DCC: variants seen among roughly 807,000 people sequenced by gnomAD.
The protein encoded by DCC is netrin receptor DCC.
In DCC, 58 loss-of-function variants were observed where a neutral mutation model predicts 172.5. That is an observed-to-expected ratio of 0.34 (90% CI 0.27 to 0.42). The LOEUF (loss-of-function observed/expected upper bound fraction) is 0.42. Ranked by LOEUF, DCC falls within the 10% of genes least tolerant of loss-of-function variation. The pLI is 1.00. For missense variants in DCC, 1,740 were observed against 1,791.0 expected (o/e 0.97, Z 0.51); for synonymous variants, 709 against 644.5 (o/e 1.10, Z -1.52).
At chr18:53,436,595 CTT>C (rs1911957090) in intron 22 of DCC, among the ~76,000 whole-genome samples, 1 of 152,080 alleles carries the variant, frequency 6.6e-6, no homozygotes, top group South Asian at 2.1e-4. Flanking sequence ...GCATCAAAGA[CTT>C]AGGGTTATCT....
intron 3 of DCC, among the ~76,000 whole-genome samples, chr18:52,911,892 A>G (rs1385239070): frequency 6.6e-6 from 1 of 151,936 alleles, no homozygotes; most frequent in Non-Finnish European, 1.5e-5. Flanking sequence ...TCTCATATAT[A>G]CTGGAAAAAA....
intron 5 of DCC, among the ~76,000 whole-genome samples, chr18:52,982,641 C>A (rs2041230563): frequency 6.6e-6 from 1 of 152,078 alleles, no homozygotes; most frequent in Non-Finnish European, 1.5e-5. Context: ...CTTACCTTCC[C>A]AAGTTGTAAC....
At chr18:52,938,210 G>GA (rs1408132142) in intron 5 of DCC, among the ~76,000 whole-genome samples, 1 of 152,040 alleles carries the variant, frequency 6.6e-6, no homozygotes, top group Non-Finnish European at 1.5e-5. Flanking sequence ...CAAGGTGGAG[G>GA]AAAAAATCTG....
intron 5 of DCC, among the ~76,000 whole-genome samples, chr18:52,998,886 C>A (rs369381132): frequency 1.3e-5 from 2 of 151,882 alleles, no homozygotes; most frequent in Non-Finnish European, 2.9e-5. Flanking sequence ...GCAATTAAAT[C>A]GTTGTCAGGA....
At chr18:52,833,279 A>G (rs888301870) in intron 2 of DCC, among the ~76,000 whole-genome samples, 12 of 152,078 alleles carry the variant, frequency 7.9e-5, no homozygotes, top group Non-Finnish European at 1.3e-4. Flanking sequence ...AAACCCAAAG[A>G]TCCTTGGGAA....
chr18:53,446,098 C>CAAAAA lies in DCC; in HGVS notation c.3230-4390_3230-4386dup, dbSNP rs1246126122. On this transcript the variant is annotated intron_variant, in intron 22 of 28. Transcript: ENST00000442544. ...GCAACATAAGAAGACCCTGTCTCTA[C>CAAAAA]AAAAAAAAAAAAAAAACAAAAAAAA... 2.4e-3 allele frequency among the ~76,000 whole-genome samples: 77 copies of CAAAAA among 32,238 alleles called. 3 individuals carry two copies. Among genetic ancestry groups the CAAAAA allele is most frequent in the Admixed American group, 5.1e-3 (16 of 3,164 alleles). 21.1% of individuals were successfully genotyped at this position (32,238 alleles called of 152,430 possible). A position where few individuals can be genotyped will look rare whatever the true frequency, so the allele number is the denominator to read the frequency against.
At chr18:52,718,411 G>T (rs867824254) in intron 1 of DCC, among the ~76,000 whole-genome samples, 7 of 152,136 alleles carry the variant, frequency 4.6e-5, no homozygotes, top group African/African-American at 1.7e-4. Flanking sequence ...ACAGGGCAAG[G>T]TTTTGTCTGC....
At chr18:52,356,686 A>G (rs1984377996) in intron 1 of DCC, among the ~76,000 whole-genome samples, 1 of 152,180 alleles carries the variant, frequency 6.6e-6, no homozygotes, top group Non-Finnish European at 1.5e-5. Context: ...CAAAATGGCT[A>G]AGTTATCTCA....
chr18:53,204,547 T>TG (rs2055594924), intron 9 of DCC, among the ~76,000 whole-genome samples: 1 of 114,192 alleles, frequency 8.8e-6, no homozygotes, highest in South Asian at 2.4e-4. Flanking sequence ...ACTCTGTTTC[T>TG]GGAAAAAAAA....
At chr18:53,176,931 A>T (rs1184198396) in intron 8 of DCC, among the ~76,000 whole-genome samples, 1 of 151,372 alleles carries the variant, frequency 6.6e-6, no homozygotes, top group Non-Finnish European at 1.5e-5. Context: ...AACCAACCCA[A>T]ATGTCCAACA....
intron 26 of DCC, among the ~76,000 whole-genome samples, chr18:53,495,446 C>T (rs1175722165): frequency 1.3e-5 from 2 of 151,946 alleles, no homozygotes; most frequent in East Asian, 3.9e-4. Context: ...AATATTGGCC[C>T]CCACTCTTTC....
chr18:53,338,511 G>C (rs1180505448), intron 14 of DCC, among the ~76,000 whole-genome samples: 1 of 152,184 alleles, frequency 6.6e-6, no homozygotes, highest in African/African-American at 2.4e-5. Context: ...CTGAGGCAGA[G>C]AATTGCTTGA....
At chr18:53,293,005 C>T (rs758073772) in intron 12 of DCC, among the ~76,000 whole-genome samples, 1 of 152,142 alleles carries the variant, frequency 6.6e-6, no homozygotes, top group Non-Finnish European at 1.5e-5. Flanking sequence ...ACAATCGTGA[C>T]ATGGGAAAAC....
At chr18:52,552,239 G>A (rs1270746985) in intron 1 of DCC, among the ~76,000 whole-genome samples, 4 of 152,000 alleles carry the variant, frequency 2.6e-5, no homozygotes, top group Non-Finnish European at 4.4e-5. Flanking sequence ...CAGGAATTAG[G>A]AGGGCAAAGC....
At chr18:53,488,078 A>G (rs2144369009) in intron 26 of DCC, among the ~76,000 whole-genome samples, 1 of 152,160 alleles carries the variant, frequency 6.6e-6, no homozygotes, top group South Asian at 2.1e-4. Flanking sequence ...TGTCTCCTAC[A>G]CTCTTTTGAT....
At chr18:52,609,911 C>A (rs1392051041) in intron 1 of DCC, among the ~76,000 whole-genome samples, 2 of 151,430 alleles carry the variant, frequency 1.3e-5, no homozygotes, top group African/African-American at 4.9e-5. Context: ...GGAGTGACAG[C>A]CTTATTGTCT....
chr18:52,736,264 T>A lies in DCC; in HGVS notation c.92-15790T>A, dbSNP rs1333835357. On this transcript the variant is annotated intron_variant, in intron 1 of 28. Coordinates refer to ENST00000442544, the MANE Select transcript of DCC (RefSeq NM_005215.4). ...AAAAGAGGCTGTTATCAATCACTCT[T>A]AATTTACTGTAAACATAAAAAAAAA... Among the ~76,000 whole-genome samples the A allele has an allele frequency of 7.5e-5, 11 of 146,026 alleles. No homozygotes were observed. In the Admixed American group the frequency reaches 7.8e-4, roughly 10 times the overall value.
chr18:52,688,489 A>G (rs189211324), intron 1 of DCC, among the ~76,000 whole-genome samples: 1 of 152,222 alleles, frequency 6.6e-6, no homozygotes, highest in African/African-American at 2.4e-5. Flanking sequence ...CTACAAAAAG[A>G]AGGAAATGGG....
chr18:53,496,368 G>C (rs2046023647), intron 26 of DCC, among the ~76,000 whole-genome samples: 1 of 152,162 alleles, frequency 6.6e-6, no homozygotes, highest in African/African-American at 2.4e-5. Context: ...GGGCCTGACT[G>C]TTTGTTAGAA....
Sources: allele counts gnomAD v4.1 joint callset (sites outside exome capture counted in the v4.1 genomes callset), GRCh38; gene constraint gnomAD v4.1.1; transcripts MANE v1.5; gene names NCBI Gene and HGNC (gene_info 2026-07-23, HGNC 2026-07-21).